The following GAB1 variants were observed in gnomAD, a reference collection of about 807,000 sequenced individuals.
GAB1 encodes the protein GRB2 associated binding protein 1.
A neutral mutation model predicts 66.5 loss-of-function variants in GAB1; 19 were observed. The observed-to-expected ratio is 0.29, with a 90% confidence interval of 0.20 to 0.42. The LOEUF is 0.42. GAB1 is among the 10% of genes least tolerant of loss of function. GAB1 has a pLI of 1.00. For synonymous variants in GAB1, 294 were observed against 301.4 expected, an observed-to-expected ratio of 0.98 and a Z score of 0.25; for missense variants, 732 against 858.5, an observed-to-expected ratio of 0.85 and a Z score of 1.84.
intron 1 of GAB1, among the ~76,000 whole-genome samples, chr4:143,404,996 T>G (rs796852750): frequency 3.9e-5 from 6 of 152,324 alleles, no homozygotes; most frequent in African/African-American, 1.4e-4. Flanking sequence ...CAGGAAAATT[T>G]TATGTCTTTA....
intron 2 of GAB1, chr4:143,424,794 AAAATAC>A (rs1733236062): frequency 6.8e-6 from 2 of 296,296 alleles, no homozygotes; most frequent in African/African-American, 4.4e-5. Context: ...GTCTCTACTA[AAAATAC>A]AAAAGTTAGC....
chr4:143,463,094 A>G (rs1735585840), intron 8 of GAB1, among the ~76,000 whole-genome samples: 1 of 152,220 alleles, frequency 6.6e-6, no homozygotes, highest in Non-Finnish European at 1.5e-5. Flanking sequence ...GCTGCCAAAT[A>G]CAAGGACTCA....
intron 2 of GAB1, among the ~76,000 whole-genome samples, chr4:143,420,044 G>A (rs1325864152): frequency 6.6e-6 from 1 of 152,024 alleles, no homozygotes; most frequent in African/African-American, 2.4e-5. Flanking sequence ...ACATCAAAAT[G>A]CCTTTGTTCT....
At chr4:143,394,533 C>T (rs1731345545) in intron 1 of GAB1, among the ~76,000 whole-genome samples, 2 of 152,120 alleles carry the variant, frequency 1.3e-5, no homozygotes, top group Admixed American at 1.3e-4. Flanking sequence ...TGTGTTCCCT[C>T]AGAAAACTGA....
intron 1 of GAB1, among the ~76,000 whole-genome samples, chr4:143,405,327 CTG>C (rs1354373079): frequency 6.6e-6 from 1 of 152,126 alleles, no homozygotes; most frequent in African/African-American, 2.4e-5. Context: ...ATAGTAGGCA[CTG>C]TGAAGTTGTA....
chr4:143,449,525 A>G (rs954356621), intron 6 of GAB1, among the ~76,000 whole-genome samples: 1 of 152,048 alleles, frequency 6.6e-6, no homozygotes, highest in Admixed American at 6.5e-5. Flanking sequence ...TGTTGAATTG[A>G]TCTCTTTACC....
At chr4:143,424,824 G>A (rs765495716) in intron 2 of GAB1, 14 of 344,394 alleles carry the variant, frequency 4.1e-5, no homozygotes, top group Non-Finnish European at 5.5e-5. Context: ...GCGTGGTGGC[G>A]TGTGCCTGTA....
rs569512718 is a variant in GAB1, at chr4:143,461,496, AAG to A, written c.1803+1015_1803+1016del. 5.9e-5 allele frequency among the ~76,000 whole-genome samples: 9 copies of A among 152,302 alleles called. No individual in the cohort carries two copies. The South Asian group carries it at 1.2e-3, about 21-fold the overall frequency. ...TGACATTCCAACTCCAGGTGGAGGA[AAG>A]AGAGAAAAAGAAGGGTACAGCCCAA... On this transcript the variant is annotated intron_variant, in intron 8 of 9. Transcript: ENST00000262994.
At chr4:143,439,522 CT>C in intron 4 of GAB1, 1 of 349,032 alleles carries the variant, frequency 2.9e-6, no homozygotes, top group Non-Finnish European at 5.3e-6. Flanking sequence ...AGAGGTGTTT[CT>C]CTTCATCTTT....
At chr4:143,362,712 G>A (rs898924146) in intron 1 of GAB1, among the ~76,000 whole-genome samples, 13 of 152,204 alleles carry the variant, frequency 8.5e-5, no homozygotes, top group African/African-American at 2.7e-4. Context: ...TTTCATAACC[G>A]TCTTGGTTTT....
At chr4:143,349,850 T>C (rs1729125602) in intron 1 of GAB1, 1 of 1,583,562 alleles carries the variant, frequency 6.3e-7, no homozygotes, top group African/African-American at 1.3e-5. Flanking sequence ...ACCTCATCCT[T>C]GAGAGAGGCC....
chr4:143,471,516 T>G lies in GAB1; in HGVS notation c.*2327T>G, dbSNP rs1736081538. ...AATATAAATGTATTTTGGGTTCACA[T>G]TTATGCTTATTCATTTTGGCTCATT... On this transcript the variant is annotated 3_prime_UTR_variant, in exon 10 of 10. Coordinates refer to ENST00000262994, the MANE Select transcript of GAB1 (RefSeq NM_002039.4). 6.6e-6 allele frequency: 1 copy of G among 152,196 alleles called. No homozygotes were observed. The highest frequency in any genetic ancestry group is 1.5e-5 in the Non-Finnish European group (1 of 68,014). 9.4% of individuals were successfully genotyped at this position (152,196 alleles called of 1,614,324 possible).
intron 2 of GAB1, among the ~76,000 whole-genome samples, chr4:143,422,368 C>A (rs1053922348): frequency 2.0e-5 from 3 of 152,176 alleles, no homozygotes; most frequent in African/African-American, 7.2e-5. Context: ...TATAGCCCAT[C>A]TTCAGAGAAA....
chr4:143,450,734 C>G (rs918205313), intron 6 of GAB1, among the ~76,000 whole-genome samples: 3 of 151,754 alleles, frequency 2.0e-5, no homozygotes, highest in African/African-American at 7.3e-5. Flanking sequence ...AGTAAAAATA[C>G]AAAAAAATTA....
chr4:143,379,073 A>G (rs948877089), intron 1 of GAB1, among the ~76,000 whole-genome samples: 3 of 152,216 alleles, frequency 2.0e-5, no homozygotes, highest in Non-Finnish European at 2.9e-5. Context: ...AGGGGGACTC[A>G]GTGGCCATTG....
intron 1 of GAB1, among the ~76,000 whole-genome samples, chr4:143,389,045 A>G (rs1261304895): frequency 6.6e-6 from 1 of 152,204 alleles, no homozygotes; most frequent in Non-Finnish European, 1.5e-5. Context: ...CCAGCCTGCC[A>G]GGGACACACC....
Position 143,458,088 on chromosome 4 carries a change from CTTTA to C in GAB1, c.1586-1295_1586-1292del, listed in dbSNP as rs1241321946. Among the ~76,000 whole-genome samples, 5 of 152,166 alleles carry C rather than the reference CTTTA, an allele frequency of 3.3e-5. No individual in the cohort carries two copies. In the East Asian group the frequency reaches 9.7e-4, roughly 29 times the overall value. On this transcript the variant is annotated intron_variant, in intron 6 of 9. Transcript: ENST00000262994. The stretch of plus-strand genomic sequence containing the variant: ...TTTGTGATTTTCTGTTGTCTTCTGT[CTTTA>C]TGTATATGTGTTCTGTTCTGAGACA...
rs1735101190 is a variant in GAB1, at chr4:143,454,898, C to A, written c.1586-4487C>A. ...AGCAAGATAGGAGCTGAGTTTCTCT[C>A]TCTTTTTTTTTTAATCTATTATGAT... On this transcript the variant is annotated intron_variant, in intron 6 of 9. Coordinates refer to ENST00000262994, the MANE Select transcript of GAB1 (RefSeq NM_002039.4). Among the ~76,000 whole-genome samples the A allele has an allele frequency of 4.6e-5, 7 of 151,314 alleles. No individual in the cohort carries two copies. The South Asian group carries it at 1.5e-3, about 31-fold the overall frequency.
rs1282479301 is a variant in GAB1, at chr4:143,440,271, C to T, written c.1474C>T (p.Pro492Ser). Residue 492 changes from proline (P) to serine (S), a missense_variant, in exon 6 of 10, where the codon CCT becomes TCT. Around this residue, in one of 4 missense-constraint regions of GAB1, gnomAD observed 204 missense variants for 276.8 expected, o/e 0.74. Transcript: ENST00000262994. ...CTCATTTGGAATGCAAGTTCCTCCT[C>T]CTGCTCATATGGGCTTCAGGTCCAG... Reference protein sequence around the residue: ...FSSFGMQVPPPAHMGFRSSPK... With the variant: ...FSSFGMQVPPSAHMGFRSSPK... The T allele has an allele frequency of 2.5e-6, 4 of 1,614,030 alleles. No homozygotes were observed. The highest frequency in any genetic ancestry group is 3.3e-5 in the Admixed American group (2 of 59,998).
Sources: gnomAD v4.1 joint callset for allele counts (sites outside exome capture counted in the v4.1 genomes callset) on GRCh38, gnomAD v4.1.1 for gene constraint, gnomAD v4.1.1 regional missense constraint, MANE v1.5 for transcripts, NCBI Gene and HGNC (gene_info 2026-07-23, HGNC 2026-07-21) for gene names.